The following ATG10 variants were observed in gnomAD, a reference collection of about 807,000 sequenced individuals.
ATG10 encodes ubiquitin-like-conjugating enzyme ATG10.
In ATG10, 30 loss-of-function variants were observed where a neutral mutation model predicts 32.1. The observed-to-expected ratio is 0.94, with a 90% CI of 0.70 to 1.27. ATG10 has a LOEUF of 1.27. Among genes scored for constraint, ATG10 ranks in the 50% most tolerant of loss-of-function variants. ATG10 has a pLI of 0.00. For missense variants in ATG10, 233 were observed against 262.3 expected, an observed-to-expected ratio of 0.89 and a Z score of 0.77; for synonymous variants, 87 against 91.5, an observed-to-expected ratio of 0.95 and a Z score of 0.28.
intron 5 of ATG10, among the ~76,000 whole-genome samples, chr5:82,225,313 T>A (rs1220517141): frequency 2.6e-5 from 4 of 152,204 alleles, no homozygotes; most frequent in Admixed American, 2.6e-4. Context: ...ATCCCTCAGG[T>A]AATACAAATA....
At chr5:81,981,071 CTGT>C (rs1459252747) in intron 1 of ATG10, among the ~76,000 whole-genome samples, 1 of 152,192 alleles carries the variant, frequency 6.6e-6, no homozygotes, top group Non-Finnish European at 1.5e-5. Context: ...TGCTGGTCAT[CTGT>C]TGTTAGGACT....
intron 3 of ATG10, among the ~76,000 whole-genome samples, chr5:82,141,368 T>G (rs1005211904): frequency 1.6e-4 from 25 of 152,182 alleles, no homozygotes; most frequent in Non-Finnish European, 3.1e-4. Context: ...AATCATTACT[T>G]ATTAAGCTAA....
At chr5:82,087,858 G>T (rs1271215986) in intron 3 of ATG10, among the ~76,000 whole-genome samples, 1 of 152,110 alleles carries the variant, frequency 6.6e-6, no homozygotes, top group Non-Finnish European at 1.5e-5. Flanking sequence ...AGAAACTTTT[G>T]CAGGTGATAG....
intron 5 of ATG10, among the ~76,000 whole-genome samples, chr5:82,205,625 G>A (rs1317067177): frequency 6.6e-6 from 1 of 152,156 alleles, no homozygotes; most frequent in Non-Finnish European, 1.5e-5. Flanking sequence ...TTTATTTTCT[G>A]TGAAATTGGA....
At chr5:82,054,635 G>A (rs62365383) in intron 2 of ATG10, among the ~76,000 whole-genome samples, 1 of 152,214 alleles carries the variant, frequency 6.6e-6, no homozygotes, top group African/African-American at 2.4e-5. Flanking sequence ...AAGTGCTTTA[G>A]TCCTTCACCC....
intron 2 of ATG10, among the ~76,000 whole-genome samples, chr5:82,012,873 G>T (rs1382928554): frequency 6.6e-6 from 1 of 151,890 alleles, no homozygotes; most frequent in Non-Finnish European, 1.5e-5. Context: ...GGCCAAGCTG[G>T]TCTTGAACTC....
At chr5:82,230,679 G>A (rs1356895570) in intron 5 of ATG10, among the ~76,000 whole-genome samples, 1 of 138,786 alleles carries the variant, frequency 7.2e-6, no homozygotes, top group Admixed American at 7.8e-5. Context: ...GTTGCAGTGA[G>A]CTGAGATCGC....
chr5:82,147,697 A>C (rs1767420465), intron 3 of ATG10: 1 of 152,208 alleles, frequency 6.6e-6, no homozygotes, highest in African/African-American at 2.4e-5. Context: ...TTAAACATAG[A>C]ATCTGGGGTT....
chr5:82,233,488 A>C (rs1445225326), intron 5 of ATG10, among the ~76,000 whole-genome samples: 1 of 152,214 alleles, frequency 6.6e-6, no homozygotes, highest in Non-Finnish European at 1.5e-5. Flanking sequence ...TGTGCCTCTG[A>C]GGTCTTGTTT....
intron 5 of ATG10, among the ~76,000 whole-genome samples, chr5:82,238,614 C>T (rs909488307): frequency 3.3e-5 from 5 of 152,068 alleles, no homozygotes; most frequent in African/African-American, 1.2e-4. Flanking sequence ...ATTTAGTGTG[C>T]AAATATTTGT....
At chr5:82,087,016 A>C (rs1162996885) in intron 3 of ATG10, among the ~76,000 whole-genome samples, 1 of 152,110 alleles carries the variant, frequency 6.6e-6, no homozygotes, top group East Asian at 1.9e-4. Context: ...AATTGCCTTA[A>C]TGTTTTCATT....
intron 3 of ATG10, among the ~76,000 whole-genome samples, chr5:82,093,375 G>A (rs900100735): frequency 1.3e-5 from 2 of 152,116 alleles, no homozygotes; most frequent in African/African-American, 4.8e-5. Flanking sequence ...CTTCTGCAGT[G>A]TCTAATTTTT....
chr5:82,154,274 T>A (rs1581749096), intron 3 of ATG10, among the ~76,000 whole-genome samples: 1 of 152,180 alleles, frequency 6.6e-6, no homozygotes, highest in East Asian at 1.9e-4. Context: ...GTGGCAAAGT[T>A]GAGTGGTTTT....
intron 5 of ATG10, among the ~76,000 whole-genome samples, chr5:82,197,809 G>A (rs571674615): frequency 6.6e-6 from 1 of 151,460 alleles, no homozygotes; most frequent in East Asian, 1.9e-4. Context: ...ACCAAACTAA[G>A]TTCTTTTTAC....
At chr5:82,190,016 C>T (rs1744596332) in intron 5 of ATG10, among the ~76,000 whole-genome samples, 1 of 152,114 alleles carries the variant, frequency 6.6e-6, no homozygotes, top group South Asian at 2.1e-4. Context: ...GTCTATTTCA[C>T]TTATTTACTT....
chr5:82,223,179 T>A (rs1417243338), intron 5 of ATG10, among the ~76,000 whole-genome samples: 1 of 152,260 alleles, frequency 6.6e-6, no homozygotes. Flanking sequence ...TTTTTTTGTT[T>A]GTTTTAAGAT....
intron 5 of ATG10, among the ~76,000 whole-genome samples, chr5:82,191,762 A>T (rs1250499490): frequency 6.6e-6 from 1 of 152,102 alleles, no homozygotes; most frequent in African/African-American, 2.4e-5. Flanking sequence ...ACCCCTTTTG[A>T]GAATATCAGG....
intron 2 of ATG10, among the ~76,000 whole-genome samples, chr5:82,014,962 G>A (rs1762238595): frequency 6.6e-6 from 1 of 152,174 alleles, no homozygotes; most frequent in Non-Finnish European, 1.5e-5. Flanking sequence ...GCAGCAGCTG[G>A]TACCGGTTGT....
chr5:82,152,395 G>A (rs555954895), intron 3 of ATG10, among the ~76,000 whole-genome samples: 11 of 152,374 alleles, frequency 7.2e-5, no homozygotes, highest in South Asian at 2.1e-4. Context: ...ACTCTGAAGC[G>A]TGGAGTCCTG....
Sources: gnomAD v4.1 joint callset for allele counts (sites outside exome capture counted in the v4.1 genomes callset) on GRCh38, gnomAD v4.1.1 for gene constraint, MANE v1.5 for transcripts, NCBI Gene and HGNC (gene_info 2026-07-23, HGNC 2026-07-21) for gene names.